The following AEBP2 variants were observed in gnomAD, a reference collection of about 807,000 sequenced individuals.
AEBP2 encodes the protein AE binding protein 2, also known as zinc finger protein AEBP2.
AEBP2 carries 10 observed loss-of-function variants against 50.8 expected under a neutral mutation model. The ratio of observed to expected loss-of-function variants is 0.20; its 90% confidence interval spans 0.12 to 0.33. The LOEUF is 0.33. Ranked by LOEUF, AEBP2 falls within the 10% of genes least tolerant of loss-of-function variation. The pLI, the probability that AEBP2 is intolerant of heterozygous loss-of-function variation, is 1.00. For missense variants in AEBP2, 570 were observed against 688.0 expected (o/e 0.83, Z 1.92); for synonymous variants, 296 against 261.3 (o/e 1.13, Z -1.28).
At chr12:19,432,463 T>C (rs11044555) in intron 1 of AEBP2, among the ~76,000 whole-genome samples, 1 of 151,932 alleles carries the variant, frequency 6.6e-6, no homozygotes, top group South Asian at 2.1e-4. Flanking sequence ...CTAGGCCAAG[T>C]TGGGCGGATC....
chr12:19,483,293 G>A (rs747347523), intron 3 of AEBP2, among the ~76,000 whole-genome samples: 25 of 152,138 alleles, frequency 1.6e-4, no homozygotes, highest in East Asian at 1.9e-4. Flanking sequence ...TATTTTGCAC[G>A]TTCCCTTAAA....
chr12:19,434,998 T>C (rs561027999), upstream of AEBP2, among the ~76,000 whole-genome samples: 4 of 152,218 alleles, frequency 2.6e-5, no homozygotes, highest in South Asian at 4.2e-4. Context: ...ACTTTTTTTT[T>C]CCCTTAATAA....
At chr12:19,469,016 C>T (rs956482782) in intron 2 of AEBP2, among the ~76,000 whole-genome samples, 1 of 152,178 alleles carries the variant, frequency 6.6e-6, no homozygotes, top group Non-Finnish European at 1.5e-5. Context: ...CTTTCGCCTC[C>T]CAGGTTCAAG....
chr12:19,485,700 C>A (rs1948797033), intron 3 of AEBP2, among the ~76,000 whole-genome samples: 1 of 111,082 alleles, frequency 9.0e-6, no homozygotes, highest in Admixed American at 8.8e-5. Flanking sequence ...GAGAGAGAGA[C>A]CCTGTCTCAA....
In AEBP2 at chr12:19,470,982, T is replaced by C. The variant is rs78015405; in HGVS notation, c.880-2266T>C. 1.6e-4 allele frequency among the ~76,000 whole-genome samples: 24 copies of C among 150,654 alleles called. No individual in the cohort carries two copies. The East Asian group carries it at 1.7e-3, about 11-fold the overall frequency. On this transcript the variant is annotated intron_variant, in intron 2 of 7. Coordinates refer to ENST00000266508, the MANE Select transcript of AEBP2 (RefSeq NM_153207.5). Reference sequence around the variant, plus strand: ...GGTGCACAAGTAATTGCGTTTTTTTTCAATTAATGGCAAAAACGGCAATGA... The same window carrying C: ...GGTGCACAAGTAATTGCGTTTTTTTCCAATTAATGGCAAAAACGGCAATGA...
intron 6 of AEBP2, among the ~76,000 whole-genome samples, 195 bp downstream of exon 6, chr12:19,512,660 GC>G (rs1433890708): frequency 6.7e-6 from 1 of 149,248 alleles, no homozygotes; most frequent in African/African-American, 2.4e-5. Context: ...CAAAACTTAA[GC>G]CCCCCCTCTT....
At chr12:19,513,945 C>CT (rs558871495) in intron 6 of AEBP2, among the ~76,000 whole-genome samples, 2,718 of 70,388 alleles carry the variant, frequency 0.039, 36 homozygotes, top group East Asian at 0.075. Context: ...TTATTTATTT[C>CT]TTTTTTTTTT....
intron 1 of AEBP2, among the ~76,000 whole-genome samples, chr12:19,462,089 A>G (rs1308167646): frequency 6.6e-6 from 1 of 152,226 alleles, no homozygotes; most frequent in African/African-American, 2.4e-5. Context: ...TTTCAGGTCA[A>G]CAAGTGATTT....
intron 1 of AEBP2, among the ~76,000 whole-genome samples, chr12:19,430,721 T>C (rs2095750983): frequency 6.6e-6 from 1 of 152,180 alleles, no homozygotes; most frequent in South Asian, 2.1e-4. Flanking sequence ...TCCTAGGTAT[T>C]TTATTCTCTT....
intron 1 of AEBP2, among the ~76,000 whole-genome samples, chr12:19,411,189 A>T (rs1565693502): frequency 6.6e-6 from 1 of 152,226 alleles, no homozygotes; most frequent in East Asian, 1.9e-4. Context: ...TTGAGAGTGG[A>T]TCTCCTGAAA....
intron 1 of AEBP2, among the ~76,000 whole-genome samples, chr12:19,430,727 C>G (rs932473690): frequency 6.6e-6 from 1 of 152,084 alleles, no homozygotes; most frequent in Middle Eastern, 3.2e-3. Flanking sequence ...GTATTTTATT[C>G]TCTTTGAAGC....
chr12:19,410,838 A>G (rs1335034361), intron 1 of AEBP2, among the ~76,000 whole-genome samples: 1 of 152,194 alleles, frequency 6.6e-6, no homozygotes, highest in African/African-American at 2.4e-5. Context: ...TTAATGCTTG[A>G]GCTTGAAGAG....
chr12:19,511,976 C>A (rs1297740429), intron 5 of AEBP2, among the ~76,000 whole-genome samples: 1 of 152,014 alleles, frequency 6.6e-6, no homozygotes, highest in Non-Finnish European at 1.5e-5. Flanking sequence ...ACAAAGCAGG[C>A]AGGATTACTA....
chr12:19,517,612 AC>A (rs558322886), intron 7 of AEBP2, among the ~76,000 whole-genome samples: 5 of 151,900 alleles, frequency 3.3e-5, no homozygotes, highest in African/African-American at 1.2e-4. Context: ...GATTCTGGGG[AC>A]CCCCCACTCC....
At chr12:19,428,048 G>T (rs971792629) in intron 1 of AEBP2, among the ~76,000 whole-genome samples, 1 of 151,874 alleles carries the variant, frequency 6.6e-6, no homozygotes, top group Non-Finnish European at 1.5e-5. Flanking sequence ...ACCAGCCTGG[G>T]CAACATGGCA....
intron 1 of AEBP2, among the ~76,000 whole-genome samples, chr12:19,414,395 C>A (rs1334194221): frequency 3.3e-5 from 5 of 152,176 alleles, no homozygotes; most frequent in African/African-American, 1.2e-4. Context: ...CCCAAAGTTA[C>A]TTTAAGAGGG....
chr12:19,473,985 T>C (rs1389351075), intron 3 of AEBP2, among the ~76,000 whole-genome samples: 1 of 152,128 alleles, frequency 6.6e-6, no homozygotes, highest in African/African-American at 2.4e-5. Context: ...TCTGATTATG[T>C]TTTCTTATTG....
At chr12:19,419,795 T>G (rs578132482) in intron 1 of AEBP2, among the ~76,000 whole-genome samples, 27 of 150,622 alleles carry the variant, frequency 1.8e-4, no homozygotes, top group Admixed American at 1.2e-3. Context: ...CCGGGCGTGG[T>G]GGTGTGCGTC....
chr12:19,470,798 A>G (rs1359329604), intron 2 of AEBP2, among the ~76,000 whole-genome samples: 1 of 152,162 alleles, frequency 6.6e-6, no homozygotes, highest in Non-Finnish European at 1.5e-5. Flanking sequence ...AAGGAACTAA[A>G]TCTTATCTTT....
Sources: gnomAD v4.1 joint callset for allele counts (sites outside exome capture counted in the v4.1 genomes callset) on GRCh38, gnomAD v4.1.1 for gene constraint, MANE v1.5 for transcripts, NCBI Gene and HGNC (gene_info 2026-07-23, HGNC 2026-07-21) for gene names.